Variants in MNAT1 observed in about 807,000 individuals in gnomAD.
MNAT1 encodes CDK-activating kinase assembly factor MAT1.
In MNAT1, 43 loss-of-function variants were observed where a neutral mutation model predicts 42.0. The observed-to-expected ratio is 1.02, with a 90% confidence interval of 0.80 to 1.32. The LOEUF is 1.32. MNAT1 is among the 40% of genes most tolerant of loss of function. The pLI, the probability that MNAT1 is intolerant of heterozygous loss-of-function variation, is 0.00. For missense variants in MNAT1, 306 were observed against 350.4 expected (o/e 0.87, Z 1.01); for synonymous variants, 118 against 120.0 (o/e 0.98, Z 0.11).
chr14:60,849,565 A>C (rs1243185999), intron 6 of MNAT1, among the ~76,000 whole-genome samples: 1 of 152,166 alleles, frequency 6.6e-6, no homozygotes, highest in East Asian at 1.9e-4. Context: ...ATAAGATCTT[A>C]AGACTGAAGA....
chr14:60,928,557 T>G (rs1256262285), intron 7 of MNAT1, among the ~76,000 whole-genome samples: 1 of 152,170 alleles, frequency 6.6e-6, no homozygotes, highest in Non-Finnish European at 1.5e-5. Context: ...GAGTAAAAAT[T>G]GGTATCTCAT....
rs1033483657 is a variant in MNAT1, at chr14:60,741,462, C to A, written c.89+6511C>A. On this transcript the variant is annotated intron_variant, in intron 1 of 7. Coordinates refer to ENST00000261245, the MANE Select transcript of MNAT1 (RefSeq NM_002431.4). The stretch of plus-strand genomic sequence containing the variant: ...GCAAGCTCCGCCTCCCAGGTTCACA[C>A]CATTCTCCTGCCTCAGCCTTCCGAG... 7.9e-5 allele frequency among the ~76,000 whole-genome samples: 12 copies of A among 152,124 alleles called. 1 individual carries two copies. In the Middle Eastern group the frequency reaches 0.02, roughly 259 times the overall value.
chr14:60,890,811 C>T (rs1288895234), intron 7 of MNAT1, among the ~76,000 whole-genome samples: 1 of 152,174 alleles, frequency 6.6e-6, no homozygotes, highest in Non-Finnish European at 1.5e-5. Flanking sequence ...TTAGGTGGTG[C>T]CCACCCAGAT....
At chr14:60,850,052 G>A (rs529819504) in intron 6 of MNAT1, among the ~76,000 whole-genome samples, 2 of 151,976 alleles carry the variant, frequency 1.3e-5, no homozygotes, top group African/African-American at 2.4e-5. Context: ...GACCATGCTG[G>A]TATCAAACTC....
At chr14:60,948,243 C>T (rs1439400968) in intron 7 of MNAT1, among the ~76,000 whole-genome samples, 3 of 151,996 alleles carry the variant, frequency 2.0e-5, no homozygotes, top group African/African-American at 7.2e-5. Flanking sequence ...ACACCCCGGG[C>T]AACTAAGTGA....
chr14:60,800,324 G>A lies in MNAT1; in HGVS notation c.316+2164G>A, dbSNP rs756399724. Among the ~76,000 whole-genome samples, 54 of 152,072 alleles carry A rather than the reference G, an allele frequency of 3.6e-4. 1 individual carries two copies. The highest frequency in any genetic ancestry group is 2.8e-4 in the Non-Finnish European group (19 of 68,010). On this transcript the variant is annotated intron_variant, in intron 3 of 7. Transcript: ENST00000261245. ...AGCACTTTGGGAGGCCAAGGCAAGA[G>A]GATTGCTTGAGCCCAGGAGTTTGAG...
intron 7 of MNAT1, among the ~76,000 whole-genome samples, chr14:60,952,857 A>C (rs746242371): frequency 1.2e-4 from 19 of 152,156 alleles, no homozygotes; most frequent in Non-Finnish European, 2.8e-4. Context: ...GAAAGAGAGG[A>C]GGTAAACCAA....
chr14:60,780,305 G>A, intron 1 of MNAT1: 2 of 1,523,318 alleles, frequency 1.3e-6, no homozygotes, highest in Non-Finnish European at 1.8e-6. Flanking sequence ...TGATAAGACT[G>A]CAAAAGATGA....
At chr14:60,809,512 T>TA (rs1594769599) in intron 4 of MNAT1, among the ~76,000 whole-genome samples, 1 of 152,106 alleles carries the variant, frequency 6.6e-6, no homozygotes, top group Non-Finnish European at 1.5e-5. Context: ...TATGCGTAGG[T>TA]AAAATGTTTC....
chr14:60,938,209 A>G (rs1042752057), intron 7 of MNAT1, among the ~76,000 whole-genome samples: 13 of 152,050 alleles, frequency 8.5e-5, no homozygotes, highest in African/African-American at 2.4e-4. Context: ...CTAATTGAAT[A>G]CCCTTTATTT....
chr14:60,855,549 C>T (rs1034557746), intron 6 of MNAT1, among the ~76,000 whole-genome samples: 2 of 152,098 alleles, frequency 1.3e-5, no homozygotes, highest in East Asian at 1.9e-4. Flanking sequence ...CCCTTGGCTG[C>T]GGGAGGGAGG....
At chr14:60,893,929 G>T (rs1437180417) in intron 7 of MNAT1, among the ~76,000 whole-genome samples, 1 of 152,110 alleles carries the variant, frequency 6.6e-6, no homozygotes, top group Non-Finnish European at 1.5e-5. Flanking sequence ...TGAGGATCAG[G>T]ATGGTGCTTT....
At chr14:60,799,665 G>A (rs2139332279) in intron 3 of MNAT1, among the ~76,000 whole-genome samples, 1 of 151,680 alleles carries the variant, frequency 6.6e-6, no homozygotes, top group South Asian at 2.1e-4. Context: ...TCTTGATTCT[G>A]GGATTAAGAT....
chr14:60,811,121 A>G (rs2032529697), intron 4 of MNAT1, among the ~76,000 whole-genome samples: 1 of 151,768 alleles, frequency 6.6e-6, no homozygotes, highest in South Asian at 2.1e-4. Flanking sequence ...ATTAAAGTCT[A>G]TTTTGTCTCT....
chr14:60,832,691 AGTAGTTTTTT>A, intron 6 of MNAT1, among the ~76,000 whole-genome samples: 1 of 152,202 alleles, frequency 6.6e-6, no homozygotes, highest in East Asian at 1.9e-4. Context: ...ATGAAATGTA[AGTAGTTTTTT>A]CTAATTCTTT....
intron 7 of MNAT1, among the ~76,000 whole-genome samples, chr14:60,926,014 T>A (rs543891626): frequency 7.2e-5 from 11 of 152,174 alleles, no homozygotes; most frequent in Non-Finnish European, 1.3e-4. Flanking sequence ...GATCTTTTGA[T>A]GGAAATTCAG....
chr14:60,842,756 C>A (rs1410911894), intron 6 of MNAT1, among the ~76,000 whole-genome samples: 2 of 151,904 alleles, frequency 1.3e-5, no homozygotes, highest in Non-Finnish European at 2.9e-5. Context: ...CTAGATAAAC[C>A]CATCATAAGT....
chr14:60,734,817 C>G lies in MNAT1; in HGVS notation c.-46C>G. The G allele has an allele frequency of 6.3e-7, 1 of 1,593,610 alleles. No individual in the cohort carries two copies. Among genetic ancestry groups the G allele is most frequent in the Non-Finnish European group, 8.6e-7 (1 of 1,161,620 alleles). On this transcript the variant is annotated 5_prime_UTR_variant, in exon 1 of 8. Coordinates refer to ENST00000261245, the MANE Select transcript of MNAT1 (RefSeq NM_002431.4). This position sits in a 1 kb window ranked among gnomAD's most constrained non-coding sequence, Gnocchi z 4.3. ...CGTCTGAGGGGGCTTGTAGGTGGCT[C>G]TGGCTGAAACAGGCGCCTGCGAGAG...
intron 6 of MNAT1, among the ~76,000 whole-genome samples, chr14:60,847,403 CAAAAAAAAAA>C (rs77882001): frequency 1.8e-5 from 1 of 54,612 alleles, no homozygotes; most frequent in African/African-American, 6.5e-5. Context: ...GACAACGTCT[CAAAAAAAAAA>C]AAAAAAAGAC....
Sources: gnomAD v4.1 joint callset for allele counts (sites outside exome capture counted in the v4.1 genomes callset) on GRCh38, gnomAD v4.1.1 for gene constraint, Gnocchi (gnomAD v3.1) non-coding constraint, MANE v1.5 for transcripts, NCBI Gene and HGNC (gene_info 2026-07-23, HGNC 2026-07-21) for gene names.